DNAJC11: variants seen among roughly 807,000 people sequenced by gnomAD.
DNAJC11 encodes DnaJ heat shock protein family (Hsp40) member C11.
Under a neutral mutation model 78.6 loss-of-function variants are expected in DNAJC11, and 15 were observed. The ratio of observed to expected loss-of-function variants is 0.19; its 90% CI spans 0.13 to 0.29. DNAJC11 has a LOEUF of 0.29. DNAJC11 is among the 10% of genes least tolerant of loss of function. The pLI is 1.00. For synonymous variants in DNAJC11, 292 were observed against 272.1 expected, an observed-to-expected ratio of 1.07 and a Z score of -0.72; for missense variants, 547 against 709.6, an observed-to-expected ratio of 0.77 and a Z score of 2.60.
chr1:6,638,944 C>T (rs895889551), intron 11 of DNAJC11, among the ~76,000 whole-genome samples: 1 of 152,242 alleles, frequency 6.6e-6, no homozygotes, highest in Non-Finnish European at 1.5e-5. Flanking sequence ...TGGGCCAGCA[C>T]ATGTCTTGTT....
At chr1:6,669,522 AAAG>A (rs1035401004) in intron 3 of DNAJC11, among the ~76,000 whole-genome samples, 6 of 96,430 alleles carry the variant, frequency 6.2e-5, no homozygotes, top group African/African-American at 2.3e-4. Flanking sequence ...TTAGAAAAGA[AAAG>A]AAAAGAAAAG....
intron 1 of DNAJC11, among the ~76,000 whole-genome samples, chr1:6,699,871 T>C (rs1406967231): frequency 6.6e-6 from 1 of 152,220 alleles, no homozygotes; most frequent in Non-Finnish European, 1.5e-5. Flanking sequence ...GATATTTCAC[T>C]GGACATTCTC....
intron 3 of DNAJC11, among the ~76,000 whole-genome samples, chr1:6,677,455 A>C (rs1446360619): frequency 6.6e-6 from 1 of 151,778 alleles, no homozygotes; most frequent in Non-Finnish European, 1.5e-5. Flanking sequence ...ACCAAGCCCG[A>C]CTAATTTTTA....
At chr1:6,692,448 T>G (rs915290051) in intron 1 of DNAJC11, among the ~76,000 whole-genome samples, 1 of 151,520 alleles carries the variant, frequency 6.6e-6, no homozygotes, top group Non-Finnish European at 1.5e-5. Flanking sequence ...CAAAAAATGT[T>G]ATCCTTGAGC....
intron 10 of DNAJC11, among the ~76,000 whole-genome samples, chr1:6,641,744 C>T (rs1218109624): frequency 6.6e-6 from 1 of 152,126 alleles, no homozygotes; most frequent in African/African-American, 2.4e-5. Flanking sequence ...AGTGATTTGG[C>T]TTTGTTTCCA....
In DNAJC11 at chr1:6,680,796, C is replaced by G. The variant is rs1642539273; in HGVS notation, c.202+112G>C. ...CAGTGAAAAGTACTAAACTAACCAC[C>G]TGTTTTATATACCTCTAAGGACTCT... On this transcript the variant is annotated intron_variant, in intron 2 of 15. Coordinates refer to ENST00000377577, the MANE Select transcript of DNAJC11 (RefSeq NM_018198.4). The surrounding 1 kb of genome is among the most constrained non-coding windows in gnomAD (Gnocchi z 4.0). The G allele has an allele frequency of 3.8e-6, 5 of 1,324,704 alleles. No homozygotes were observed. The highest frequency in any genetic ancestry group is 2.4e-5 in the Admixed American group (1 of 42,460). The allele number at this position is 1,324,704 out of a possible 1,614,324, so 82.1% of individuals were successfully genotyped here. A position where few individuals can be genotyped will look rare whatever the true frequency, so the allele number is the denominator to read the frequency against.
At chr1:6,636,003 C>A in intron 15 of DNAJC11, 114 bp downstream of exon 15, 2 of 1,425,290 alleles carry the variant, frequency 1.4e-6, no homozygotes, top group Non-Finnish European at 1.9e-6. Context: ...GGCGTCTCTG[C>A]TCCCAGGTGG....
At chr1:6,684,459 T>C (rs750603885) in intron 1 of DNAJC11, among the ~76,000 whole-genome samples, 1 of 152,248 alleles carries the variant, frequency 6.6e-6, no homozygotes, top group East Asian at 1.9e-4. Context: ...ATTAGACAGA[T>C]TGACTGACTC....
chr1:6,694,694 G>A (rs1250180223), intron 1 of DNAJC11, among the ~76,000 whole-genome samples: 4 of 151,886 alleles, frequency 2.6e-5, no homozygotes, highest in African/African-American at 4.8e-5. Flanking sequence ...GGCTGGGCGC[G>A]GTGGCTCACA....
chr1:6,657,520 G>C (rs1033314624), intron 4 of DNAJC11, among the ~76,000 whole-genome samples: 2 of 152,296 alleles, frequency 1.3e-5, no homozygotes, highest in Non-Finnish European at 2.9e-5. Context: ...GAGACAGTAT[G>C]GAATTATTGT....
intron 4 of DNAJC11, among the ~76,000 whole-genome samples, chr1:6,657,391 G>A (rs900556577): frequency 6.6e-6 from 1 of 152,186 alleles, no homozygotes; most frequent in Non-Finnish European, 1.5e-5. Context: ...GAATGCAGAA[G>A]CCACTGCTGA....
chr1:6,652,656 T>C (rs1423174008), intron 6 of DNAJC11, among the ~76,000 whole-genome samples, 173 bp downstream of exon 6: 1 of 152,156 alleles, frequency 6.6e-6, no homozygotes, highest in African/African-American at 2.4e-5. Context: ...GCCAGGCTCA[T>C]GAGACCTATT....
chr1:6,654,781 CT>C (rs3062933), intron 4 of DNAJC11, among the ~76,000 whole-genome samples: 371 of 141,822 alleles, frequency 2.6e-3, no homozygotes, highest in African/African-American at 6.3e-3. Flanking sequence ...GCTAGCTTTT[CT>C]TTTTTTTTTT....
At chr1:6,687,625 AG>A (rs748858721) in intron 1 of DNAJC11, among the ~76,000 whole-genome samples, 27 of 152,138 alleles carry the variant, frequency 1.8e-4, no homozygotes, top group Non-Finnish European at 2.9e-4. Flanking sequence ...CCAAAGTGCT[AG>A]GATTACACGC....
At chr1:6,684,230 G>A (rs182407805) in intron 1 of DNAJC11, among the ~76,000 whole-genome samples, 22 of 152,172 alleles carry the variant, frequency 1.4e-4, no homozygotes, top group Non-Finnish European at 3.1e-4. Flanking sequence ...ACAGGCGCAC[G>A]CCACCATGCC....
intron 4 of DNAJC11, among the ~76,000 whole-genome samples, chr1:6,667,429 T>C (rs1362724061): frequency 6.6e-6 from 1 of 152,108 alleles, no homozygotes; most frequent in Non-Finnish European, 1.5e-5. Context: ...TATATCTGCT[T>C]GGCGAAACTC....
chr1:6,666,763 T>A (rs1216281060), intron 4 of DNAJC11, among the ~76,000 whole-genome samples: 1 of 152,160 alleles, frequency 6.6e-6, no homozygotes, highest in Non-Finnish European at 1.5e-5. Flanking sequence ...TTGTATGGCT[T>A]CTGCTCTCCT....
intron 12 of DNAJC11, 164 bp from the exon 13 acceptor site, chr1:6,637,668 T>C: frequency 1.3e-6 from 1 of 741,222 alleles, no homozygotes; most frequent in Non-Finnish European, 2.3e-6. Context: ...AGTGGCTCAC[T>C]CTGAAACTCC....
In DNAJC11 at chr1:6,644,589, C is replaced by T. The variant is rs766483620; in HGVS notation, c.1066G>A (p.Gly356Arg). 1.4e-5 allele frequency: 22 copies of T among 1,614,056 alleles called. No homozygotes were observed. Among genetic ancestry groups the T allele is most frequent in the Non-Finnish European group, 3.4e-6 (4 of 1,180,018 alleles). ...HSVLGAAVSV[G>R]VPQGVSLKVK... ...TTGAGAGAAACACCCTGTGGAACTC[C>T]AACGCTGACAGCTGCACCCAAAACG... is the stretch of plus-strand genomic sequence containing the variant. Residue 356 changes from glycine (G) to arginine (R), a missense_variant, in exon 10 of 16, where the codon GGA becomes AGA. Gly to Arg is a moderately radical substitution (Grantham distance 125, BLOSUM62 -2). Coordinates refer to ENST00000377577, the MANE Select transcript of DNAJC11 (RefSeq NM_018198.4).
Sources: gnomAD v4.1 joint callset for allele counts (sites outside exome capture counted in the v4.1 genomes callset) on GRCh38, gnomAD v4.1.1 for gene constraint, Gnocchi (gnomAD v3.1) non-coding constraint, MANE v1.5 for transcripts, NCBI Gene and HGNC (gene_info 2026-07-23, HGNC 2026-07-21) for gene names.